ABCA10: variants seen among roughly 807,000 people sequenced by gnomAD.
ABCA10 encodes the protein ATP binding cassette subfamily A member 10, also known as ATP-binding cassette sub-family A member 10.
ABCA10 carries 169 observed loss-of-function variants against 187.5 expected under a neutral mutation model. That is an observed-to-expected ratio of 0.90 (90% CI 0.80 to 1.02). The LOEUF (loss-of-function observed/expected upper bound fraction) is 1.02, where lower values mean the gene tolerates loss of function less well. Among genes scored for constraint, ABCA10 ranks in the 50% least tolerant of loss-of-function variants. The pLI, the probability that ABCA10 is intolerant of heterozygous loss-of-function variation, is 0.00. For missense variants in ABCA10, 1,727 were observed against 1,812.4 expected (o/e 0.95, Z 0.86); for synonymous variants, 574 against 601.8 (o/e 0.95, Z 0.68).
intron 6 of ABCA10, among the ~76,000 whole-genome samples, chr17:69,217,030 T>G (rs971448687): frequency 6.6e-6 from 1 of 152,094 alleles, no homozygotes; most frequent in African/African-American, 2.4e-5. Context: ...GTGGATTGCC[T>G]GAGTCAGGAG....
intron 1 of ABCA10, among the ~76,000 whole-genome samples, chr17:69,237,148 G>A (rs1022475437): frequency 1.3e-5 from 2 of 152,182 alleles, no homozygotes; most frequent in South Asian, 2.1e-4. Context: ...CATCAATGGA[G>A]TCGACAAGTC....
At position 69,152,468 on chromosome 17, in the gene ABCA10, C is replaced by A. The variant is rs1392098053; in HGVS notation, c.4150G>T (p.Ala1384Ser). Residue 1384 changes from alanine to serine, a missense_variant, in exon 35 of 39, where the codon GCT becomes TCT. By Grantham distance (99) the Ala-to-Ser change is moderately conservative. Coordinates refer to ENST00000690296, the MANE Select transcript of ABCA10 (RefSeq NM_001377321.1). ...GQQQMWQILQ[A>S]TVKNKERGTL... is the part of the protein sequence containing the mutation. The stretch of plus-strand genomic sequence containing the variant: ...CCCCTCTCCTTGTTTTTAACGGTAG[C>A]CTGAAGTATCTGCCTAAAGATAAAG... The A allele has an allele frequency of 3.7e-6, 6 of 1,612,366 alleles. No individual in the cohort carries two copies. The African/African-American group carries it at 8.0e-5, about 22-fold the overall frequency.
At chr17:69,232,394 A>G, upstream of ABCA10, among the ~76,000 whole-genome samples, 1 of 151,936 alleles carries the variant, frequency 6.6e-6, no homozygotes, top group East Asian at 1.9e-4. Flanking sequence ...TAATATATCT[A>G]TTATAGGTTT....
intron 9 of ABCA10, among the ~76,000 whole-genome samples, chr17:69,214,095 T>C (rs8070459): frequency 2.0e-5 from 3 of 152,126 alleles, no homozygotes; most frequent in African/African-American, 4.8e-5. Flanking sequence ...CATTATTCAA[T>C]AGGTGATTTA....
chr17:69,216,222 A>G lies in ABCA10; in HGVS notation c.667T>C (p.Ser223Pro), dbSNP rs1366437764. The stretch of plus-strand genomic sequence containing the variant: ...ATATGCTTTTACCAACTCACCAAAG[A>G]AAGGCCATATAAGCTATAGAGTGTG... The part of the protein sequence containing the change: ...IFTLYSLYGL[S>P]LIALAFLMSV... The change falls in exon 7 of 39, where the codon TCT becomes CCT. Residue 223 changes from serine (S) to proline (P), a missense_variant. Coordinates refer to ENST00000690296, the MANE Select transcript of ABCA10 (RefSeq NM_001377321.1). 2.5e-6 allele frequency: 4 copies of G among 1,607,858 alleles called. No homozygotes were observed. The highest frequency in any genetic ancestry group is 3.4e-6 in the Non-Finnish European group (4 of 1,178,046).
Position 69,164,303 on chromosome 17 carries a change from A to G in ABCA10, c.3283-149T>C, listed in dbSNP as rs919522410. 10 of 601,712 alleles carry G rather than the reference A, an allele frequency of 1.7e-5. No individual in the cohort carries two copies. In the African/African-American group the frequency reaches 1.8e-4, roughly 11 times the overall value. 37.3% of individuals were successfully genotyped at this position (601,712 alleles called of 1,614,324 possible). On this transcript the variant is annotated intron_variant, in intron 26 of 38. Coordinates refer to ENST00000690296, the MANE Select transcript of ABCA10 (RefSeq NM_001377321.1). Reference sequence around the variant, plus strand: ...ATGAGAAGAGTTGTTTTCTGATGCTAAAGTCTACTGATGACCTGACATCTT... The same window carrying G: ...ATGAGAAGAGTTGTTTTCTGATGCTGAAGTCTACTGATGACCTGACATCTT...
chr17:69,212,622 T>A (rs1477570375), intron 9 of ABCA10, among the ~76,000 whole-genome samples: 1 of 152,208 alleles, frequency 6.6e-6, no homozygotes, highest in Non-Finnish European at 1.5e-5. Context: ...TAGTAATTGC[T>A]TTTATAAATT....
intron 18 of ABCA10, among the ~76,000 whole-genome samples, chr17:69,188,752 T>C (rs972407698): frequency 1.3e-5 from 2 of 152,080 alleles, no homozygotes; most frequent in Non-Finnish European, 2.9e-5. Context: ...GTGTATTCAA[T>C]GTTTACTTCT....
intron 25 of ABCA10, among the ~76,000 whole-genome samples, chr17:69,169,214 C>T (rs538377001): frequency 6.6e-5 from 10 of 152,178 alleles, no homozygotes; most frequent in Non-Finnish European, 1.0e-4. Flanking sequence ...TACTAAGTGC[C>T]AGACCACTGA....
At chr17:69,159,817 T>C (rs1277786704) in intron 27 of ABCA10, among the ~76,000 whole-genome samples, 1 of 152,082 alleles carries the variant, frequency 6.6e-6, no homozygotes, top group African/African-American at 2.4e-5. Flanking sequence ...ACCAATGGAA[T>C]AGAATAGAAA....
chr17:69,170,266 C>T (rs949180193), intron 25 of ABCA10, among the ~76,000 whole-genome samples: 7 of 139,830 alleles, frequency 5.0e-5, no homozygotes, highest in African/African-American at 1.1e-4. Context: ...CCAGCCTGGG[C>T]AACAGAGTGA....
intron 9 of ABCA10, 39 bp from the exon 10 acceptor site, chr17:69,201,707 T>C: frequency 2.7e-6 from 4 of 1,455,536 alleles, no homozygotes; most frequent in Non-Finnish European, 3.7e-6. Context: ...GCATCAATTA[T>C]ACCACACCAA....
At chr17:69,190,125 C>T (rs2074449012) in intron 18 of ABCA10, among the ~76,000 whole-genome samples, 1 of 151,962 alleles carries the variant, frequency 6.6e-6, no homozygotes, top group South Asian at 2.1e-4. Context: ...ACATGGGAAG[C>T]AGACAGATGT....
upstream of ABCA10, among the ~76,000 whole-genome samples, chr17:69,230,660 A>G (rs1451068785): frequency 6.6e-6 from 1 of 152,072 alleles, no homozygotes; most frequent in East Asian, 1.9e-4. Flanking sequence ...GATGGCTTTC[A>G]GCAGGTAAAT....
upstream of ABCA10, among the ~76,000 whole-genome samples, chr17:69,230,695 G>T (rs778057811): frequency 1.3e-5 from 2 of 151,966 alleles, no homozygotes; most frequent in African/African-American, 4.8e-5. Flanking sequence ...AACAATCAGA[G>T]GCAATTTGGC....
At chr17:69,207,931 C>CTA in intron 9 of ABCA10, among the ~76,000 whole-genome samples, 1 of 152,192 alleles carries the variant, frequency 6.6e-6, no homozygotes, top group South Asian at 2.1e-4. Flanking sequence ...AGTGTTCTCA[C>CTA]TACAAAGAAT....
chr17:69,229,894 GACAT>G (rs2074819033), upstream of ABCA10, among the ~76,000 whole-genome samples: 1 of 151,930 alleles, frequency 6.6e-6, no homozygotes, highest in African/African-American at 2.4e-5. Flanking sequence ...CTATAATACA[GACAT>G]ACACCCTTCT....
At chr17:69,202,910 C>T (rs1168241524) in intron 9 of ABCA10, among the ~76,000 whole-genome samples, 2 of 152,146 alleles carry the variant, frequency 1.3e-5, no homozygotes, top group Non-Finnish European at 2.9e-5. Context: ...AAAGATTTTT[C>T]AGAAACTGTA....
intron 1 of ABCA10, among the ~76,000 whole-genome samples, chr17:69,238,299 G>A (rs2074884336): frequency 6.6e-6 from 1 of 152,118 alleles, no homozygotes; most frequent in Non-Finnish European, 1.5e-5. Context: ...AACTGTAAGA[G>A]AATAAGCTTC....
Sources: gnomAD v4.1 joint callset for allele counts (sites outside exome capture counted in the v4.1 genomes callset) on GRCh38, gnomAD v4.1.1 for gene constraint, MANE v1.5 for transcripts, NCBI Gene and HGNC (gene_info 2026-07-23, HGNC 2026-07-21) for gene names.